CDH12: variants seen among roughly 807,000 people sequenced by gnomAD.
The protein encoded by CDH12 is cadherin 12.
A neutral mutation model predicts 74.1 loss-of-function variants in CDH12; 41 were observed. That is an observed-to-expected ratio of 0.55 (90% CI 0.43 to 0.72). The LOEUF is 0.72. CDH12 is among the 30% of genes least tolerant of loss of function. The pLI, the probability that CDH12 is intolerant of heterozygous loss-of-function variation, is 0.00. For synonymous variants in CDH12, 399 were observed against 355.0 expected (o/e 1.12, Z -1.39); for missense variants, 945 against 977.2 (o/e 0.97, Z 0.44).
In CDH12 at chr5:22,286,037, G is replaced by A. The variant is rs2968263; in HGVS notation, c.-332-73394C>T. Among the ~76,000 whole-genome samples, 988 of 151,632 alleles carry A rather than the reference G, an allele frequency of 6.5e-3. 9 individuals are homozygous for A. The highest frequency in any genetic ancestry group is 0.023 in the African/African-American group (946 of 41,360). ...ATATAATTCATAAGTGGTCTTACAC[G>A]GTATTGACAATATAAATACTCTTAG... On this transcript the variant is annotated intron_variant, in intron 3 of 14. Transcript: ENST00000382254.
At chr5:22,439,734 A>G (rs141663098) in intron 2 of CDH12, among the ~76,000 whole-genome samples, 1 of 152,182 alleles carries the variant, frequency 6.6e-6, no homozygotes, top group African/African-American at 2.4e-5. Context: ...TGAGAGCAGA[A>G]AGAAGACATA....
chr5:22,171,720 G>A (rs1749041838), intron 4 of CDH12, among the ~76,000 whole-genome samples: 1 of 151,914 alleles, frequency 6.6e-6, no homozygotes, highest in Non-Finnish European at 1.5e-5. Context: ...TTTAAAACTG[G>A]CTTCAAACCA....
At chr5:22,507,470 A>G (rs1311247056) in intron 1 of CDH12, among the ~76,000 whole-genome samples, 3 of 152,180 alleles carry the variant, frequency 2.0e-5, no homozygotes, top group Admixed American at 6.5e-5. Flanking sequence ...TAGAAAATAC[A>G]GATAGTAACA....
intron 1 of CDH12, among the ~76,000 whole-genome samples, chr5:22,572,058 T>C (rs1164264116): frequency 6.6e-6 from 1 of 152,154 alleles, no homozygotes; most frequent in Non-Finnish European, 1.5e-5. Context: ...CTTCAGTTTG[T>C]AAAAACAACA....
At chr5:21,952,457 C>T (rs1304988011) in intron 6 of CDH12, among the ~76,000 whole-genome samples, 2 of 152,154 alleles carry the variant, frequency 1.3e-5, no homozygotes, top group African/African-American at 2.4e-5. Flanking sequence ...ATCATAACAG[C>T]ACAGTACTAG....
At chr5:21,809,705 G>T (rs1020759547) in intron 9 of CDH12, among the ~76,000 whole-genome samples, 4 of 152,212 alleles carry the variant, frequency 2.6e-5, no homozygotes, top group South Asian at 2.1e-4. Context: ...GAAGATATTT[G>T]TCCTTTTAGT....
At position 22,154,352 on chromosome 5, in the gene CDH12, T is replaced by C. The variant is rs140573231; in HGVS notation, c.-187+58146A>G. ...TCCAGAAATTACTTTTTCTGCATAA[T>C]TGAAAATTTCTATCCTTTGACCAAC... On this transcript the variant is annotated intron_variant, in intron 4 of 14. Coordinates refer to ENST00000382254, the MANE Select transcript of CDH12 (RefSeq NM_004061.5). Among the ~76,000 whole-genome samples the C allele has an allele frequency of 8.3e-3, 1,257 of 151,262 alleles. 19 individuals are homozygous for C. Among genetic ancestry groups the C allele is most frequent in the African/African-American group, 0.029 (1,206 of 41,216 alleles).
chr5:22,473,263 T>C (rs912999337), intron 2 of CDH12, among the ~76,000 whole-genome samples: 3 of 152,132 alleles, frequency 2.0e-5, no homozygotes, highest in African/African-American at 7.2e-5. Context: ...TCCATTCTGC[T>C]GCATCACTCT....
chr5:22,019,060 A>C (rs1397401146), intron 5 of CDH12, among the ~76,000 whole-genome samples: 2 of 970 alleles, frequency 2.1e-3, no homozygotes, highest in Non-Finnish European at 0.037. Flanking sequence ...ACTGTGTCTC[A>C]AAAAAAAAAA....
Position 21,833,273 on chromosome 5 carries a change from T to TTATATGTTATATAACATATAATATATAA in CDH12, c.814+8887_814+8888insTTATATATTATATGTTATATAACATATA, listed in dbSNP as rs1749278193. Among the ~76,000 whole-genome samples the TTATATGTTATATAACATATAATATATAA allele has an allele frequency of 1.9e-4, 10 of 51,486 alleles. 1 individual carries two copies. Among genetic ancestry groups the TTATATGTTATATAACATATAATATATAA allele is most frequent in the African/African-American group, 3.3e-4 (2 of 6,000 alleles). The allele number at this position is 51,486 out of a possible 152,430, so 33.8% of individuals were successfully genotyped here. On this transcript the variant is annotated intron_variant, in intron 8 of 14. Transcript: ENST00000382254. ...TATATTATATAACATATAATATATATTATATGTTATATAACATATAATATA... is the reference window on the plus strand; with the variant it reads ...TATATTATATAACATATAATATATATTATATGTTATATAACATATAATATATAATATATGTTATATAACATATAATATA...
intron 1 of CDH12, among the ~76,000 whole-genome samples, chr5:22,709,236 A>C (rs1452204993): frequency 6.6e-6 from 1 of 152,180 alleles, no homozygotes; most frequent in Non-Finnish European, 1.5e-5. Flanking sequence ...TTGTAATGCA[A>C]ACAAATAATA....
chr5:22,036,037 A>G (rs772079219), intron 5 of CDH12, among the ~76,000 whole-genome samples: 7 of 152,188 alleles, frequency 4.6e-5, no homozygotes, highest in Non-Finnish European at 1.0e-4. Flanking sequence ...GCCGGCATTG[A>G]CATATAAGGG....
In CDH12 at chr5:22,098,531, C is replaced by A. The variant is rs534318508; in HGVS notation, c.-186-19669G>T. On this transcript the variant is annotated intron_variant, in intron 4 of 14. Transcript: ENST00000382254. ...ATACTTTTAGAGGCCCTAAAAATCA[C>A]AAACTATGCTCAACTCACTCGCTAC... 3.9e-5 allele frequency among the ~76,000 whole-genome samples: 6 copies of A among 152,288 alleles called. No individual in the cohort carries two copies. The East Asian group carries it at 1.2e-3, about 29-fold the overall frequency.
chr5:22,362,433 A>G (rs540187979), intron 3 of CDH12, among the ~76,000 whole-genome samples: 2 of 152,178 alleles, frequency 1.3e-5, no homozygotes, highest in Non-Finnish European at 2.9e-5. Flanking sequence ...AGGAAACATC[A>G]GGTGCTAGAG....
In CDH12 at chr5:22,096,025, A is replaced by G. The variant is rs185301483; in HGVS notation, c.-186-17163T>C. Among the ~76,000 whole-genome samples, 406 of 151,452 alleles carry G rather than the reference A, an allele frequency of 2.7e-3. 3 individuals are homozygous for G. Among genetic ancestry groups the G allele is most frequent in the African/African-American group, 8.5e-3 (349 of 41,184 alleles). On this transcript the variant is annotated intron_variant, in intron 4 of 14. Coordinates refer to ENST00000382254, the MANE Select transcript of CDH12 (RefSeq NM_004061.5). ...CCCCTTTCCTGCTTTTCTGGAGGGT[A>G]AGAACCCCCAAACCCCTTCCCTCTG...
At chr5:22,008,077 C>T (rs1173317341) in intron 5 of CDH12, among the ~76,000 whole-genome samples, 1 of 151,712 alleles carries the variant, frequency 6.6e-6, no homozygotes, top group Non-Finnish European at 1.5e-5. Flanking sequence ...TCCTGCTTTC[C>T]TCGCTGCTGT....
intron 1 of CDH12, among the ~76,000 whole-genome samples, chr5:22,514,684 T>C (rs946176705): frequency 5.3e-5 from 8 of 152,188 alleles, no homozygotes; most frequent in African/African-American, 1.9e-4. Context: ...AATCCTTACA[T>C]CAGGATTTGA....
intron 8 of CDH12, among the ~76,000 whole-genome samples, chr5:21,828,019 A>G (rs1748775739): frequency 6.6e-6 from 1 of 152,170 alleles, no homozygotes; most frequent in Non-Finnish European, 1.5e-5. Context: ...TCTCAGTGAT[A>G]CTGCCTAATA....
At chr5:22,241,391 TA>T (rs1752746074) in intron 3 of CDH12, among the ~76,000 whole-genome samples, 1 of 152,114 alleles carries the variant, frequency 6.6e-6, no homozygotes, top group South Asian at 2.1e-4. Flanking sequence ...AATTAATAGC[TA>T]AACTAAAACT....
Sources: gnomAD v4.1 joint callset for allele counts (sites outside exome capture counted in the v4.1 genomes callset) on GRCh38, gnomAD v4.1.1 for gene constraint, MANE v1.5 for transcripts, NCBI Gene and HGNC (gene_info 2026-07-23, HGNC 2026-07-21) for gene names.